PRKN: variants seen among roughly 807,000 people sequenced by gnomAD.
PRKN encodes the protein E3 ubiquitin-protein ligase parkin.
PRKN carries 56 observed loss-of-function variants against 59.5 expected under a neutral mutation model. That is an observed-to-expected ratio of 0.94 (90% CI 0.76 to 1.18). PRKN has a LOEUF of 1.18. Among genes scored for constraint, PRKN ranks in the 50% most tolerant of loss-of-function variants. The probability of loss-of-function intolerance (pLI) is 0.00; values close to 1 mark genes in which losing one functional copy is unlikely to be tolerated. For synonymous variants in PRKN, 250 were observed against 222.1 expected (o/e 1.13, Z -1.12); for missense variants, 657 against 596.4 (o/e 1.10, Z -1.06).
chr6:162,432,540 CA>C (rs1278495043), intron 2 of PRKN, among the ~76,000 whole-genome samples: 1 of 152,046 alleles, frequency 6.6e-6, no homozygotes, highest in Non-Finnish European at 1.5e-5. Context: ...AACAAACAAA[CA>C]AACAAACAGA....
intron 7 of PRKN, among the ~76,000 whole-genome samples, chr6:161,658,551 T>C (rs1417706884): frequency 6.6e-6 from 1 of 152,202 alleles, no homozygotes; most frequent in African/African-American, 2.4e-5. Flanking sequence ...TGGATAAAGG[T>C]CATATTTTTA....
At chr6:161,859,144 C>T (rs930058986) in intron 6 of PRKN, among the ~76,000 whole-genome samples, 22 of 151,258 alleles carry the variant, frequency 1.5e-4, no homozygotes, top group African/African-American at 5.1e-4. Context: ...GCTGGGATTA[C>T]AGGCATAAGC....
At chr6:162,526,392 C>T (rs1057000105) in intron 1 of PRKN, among the ~76,000 whole-genome samples, 2 of 151,410 alleles carry the variant, frequency 1.3e-5, no homozygotes. Context: ...TGGGTCACGC[C>T]TGTAATCCCA....
At chr6:162,335,736 C>T (rs995704800) in intron 2 of PRKN, among the ~76,000 whole-genome samples, 2 of 151,890 alleles carry the variant, frequency 1.3e-5, no homozygotes, top group African/African-American at 4.8e-5. Context: ...TTTGATAATG[C>T]CTTCTTCTCC....
chr6:162,687,010 A>G (rs896769033), intron 1 of PRKN, among the ~76,000 whole-genome samples: 1 of 151,288 alleles, frequency 6.6e-6, no homozygotes, highest in African/African-American at 2.4e-5. Context: ...TTGCTTTTTT[A>G]TTTTTTATTT....
chr6:161,928,268 G>C (rs2128240294), intron 6 of PRKN, among the ~76,000 whole-genome samples: 1 of 152,198 alleles, frequency 6.6e-6, no homozygotes, highest in African/African-American at 2.4e-5. Context: ...TTTTGTTATG[G>C]CAGCCTGAAT....
At chr6:162,038,007 G>A (rs1783913830) in intron 5 of PRKN, among the ~76,000 whole-genome samples, 1 of 146,694 alleles carries the variant, frequency 6.8e-6, no homozygotes, top group Non-Finnish European at 1.5e-5. Context: ...AAAATGTGTG[G>A]TATTCTGGTA....
intron 1 of PRKN, among the ~76,000 whole-genome samples, chr6:162,612,987 T>C (rs2846535): frequency 0.81 from 123,123 of 152,192 alleles, 50,002 homozygotes; most frequent in East Asian, 0.95. Context: ...TTTGTTACTA[T>C]CAAATATTGG....
chr6:161,997,839 A>G (rs1288781362), intron 5 of PRKN, among the ~76,000 whole-genome samples: 1 of 152,086 alleles, frequency 6.6e-6, no homozygotes, highest in East Asian at 1.9e-4. Flanking sequence ...CTGGTGCTCA[A>G]TGAATGTATC....
chr6:161,628,894 CA>C (rs1301531608), intron 7 of PRKN, among the ~76,000 whole-genome samples: 1 of 152,080 alleles, frequency 6.6e-6, no homozygotes, highest in Non-Finnish European at 1.5e-5. Flanking sequence ...GCTGAGCAGG[CA>C]ATGAAGAGAA....
At chr6:162,193,783 G>A (rs1784386201) in intron 4 of PRKN, among the ~76,000 whole-genome samples, 1 of 152,298 alleles carries the variant, frequency 6.6e-6, no homozygotes, top group South Asian at 2.1e-4. Flanking sequence ...ACTGCACAGT[G>A]TGGTCTTTGG....
chr6:161,856,099 C>T (rs1262985712), intron 6 of PRKN, among the ~76,000 whole-genome samples: 1 of 152,174 alleles, frequency 6.6e-6, no homozygotes, highest in Non-Finnish European at 1.5e-5. Flanking sequence ...GTGGCTCACG[C>T]CTGTAAACCC....
Position 161,466,351 on chromosome 6 carries a change from G to A in PRKN, c.1084-79474C>T, listed in dbSNP as rs7774498. Among the ~76,000 whole-genome samples, 2 of 151,766 alleles carry A rather than the reference G, an allele frequency of 1.3e-5. No homozygotes were observed. Among genetic ancestry groups the A allele is most frequent in the African/African-American group, 4.8e-5 (2 of 41,308 alleles). ...AATTTTCTTCACTTAGGTTTTTTTTGATCTCAGCTCTCTGATGGGTTAAAA... is the reference window on the plus strand; with the variant it reads ...AATTTTCTTCACTTAGGTTTTTTTTAATCTCAGCTCTCTGATGGGTTAAAA... On this transcript the variant is annotated intron_variant, in intron 9 of 11. Transcript: ENST00000366898. The surrounding 1 kb of genome is among the most constrained non-coding windows in gnomAD (Gnocchi z 5.0).
intron 7 of PRKN, among the ~76,000 whole-genome samples, chr6:161,729,534 C>T (rs1787587067): frequency 6.6e-6 from 1 of 152,084 alleles, no homozygotes; most frequent in South Asian, 2.1e-4. Flanking sequence ...ATTTGTAGAC[C>T]ATTTTACAGT....
chr6:161,673,253 C>A (rs207467554), intron 7 of PRKN, among the ~76,000 whole-genome samples: 2 of 152,188 alleles, frequency 1.3e-5, no homozygotes, highest in African/African-American at 4.8e-5. Context: ...ACCCAAGTCC[C>A]ATGGGGATAA....
At chr6:162,386,456 C>T (rs1265460592) in intron 2 of PRKN, among the ~76,000 whole-genome samples, 3 of 152,218 alleles carry the variant, frequency 2.0e-5, no homozygotes, top group Admixed American at 2.0e-4. Context: ...TCTGCTCCTG[C>T]CACAAAACAG....
intron 2 of PRKN, among the ~76,000 whole-genome samples, chr6:162,431,992 CT>C (rs1282954496): frequency 1.3e-5 from 2 of 152,118 alleles, no homozygotes; most frequent in Non-Finnish European, 2.9e-5. Flanking sequence ...AATTTCCCCC[CT>C]TTATCATAAC....
chr6:162,339,296 G>T (rs1784030510), intron 2 of PRKN, among the ~76,000 whole-genome samples: 2 of 144,814 alleles, frequency 1.4e-5, no homozygotes, highest in South Asian at 2.2e-4. Flanking sequence ...GAGGTGGGGG[G>T]GTCAGCCCCC....
At chr6:162,024,408 G>A (rs1242332053) in intron 5 of PRKN, among the ~76,000 whole-genome samples, 2 of 152,026 alleles carry the variant, frequency 1.3e-5, no homozygotes, top group East Asian at 3.9e-4. Flanking sequence ...TGTTGGTCAG[G>A]CTGGTCTCAA....
Sources: gnomAD v4.1 joint callset for allele counts (sites outside exome capture counted in the v4.1 genomes callset) on GRCh38, gnomAD v4.1.1 for gene constraint, Gnocchi (gnomAD v3.1) non-coding constraint, MANE v1.5 for transcripts, NCBI Gene and HGNC (gene_info 2026-07-23, HGNC 2026-07-21) for gene names.